The following GPR39 variants were observed in gnomAD, a reference collection of about 807,000 sequenced individuals.
GPR39 encodes zinc sensing receptor.
A neutral mutation model predicts 18.4 loss-of-function variants in GPR39; 23 were observed. The observed-to-expected ratio is 1.25, with a 90% CI of 0.90 to 1.77. The LOEUF is 1.77. Ranked by LOEUF, GPR39 falls within the 40% of genes most tolerant of loss-of-function variation. The pLI is 0.00. For synonymous variants in GPR39, 280 were observed against 257.9 expected, an observed-to-expected ratio of 1.09 and a Z score of -0.82; for missense variants, 647 against 602.4, an observed-to-expected ratio of 1.07 and a Z score of -0.78.
intron 1 of GPR39, among the ~76,000 whole-genome samples, chr2:132,421,233 GA>G (rs1680003353): frequency 6.6e-6 from 1 of 152,076 alleles, no homozygotes; most frequent in African/African-American, 2.4e-5. Context: ...TCTCAATGCA[GA>G]TAGCATCCAG....
chr2:132,604,062 T>C (rs1450104919), intron 1 of GPR39, among the ~76,000 whole-genome samples: 3 of 152,124 alleles, frequency 2.0e-5, no homozygotes, highest in Non-Finnish European at 4.4e-5. Flanking sequence ...ACCTCCAAGA[T>C]CCTTTTCCTT....
intron 1 of GPR39, among the ~76,000 whole-genome samples, chr2:132,569,846 AAGG>A (rs1680412246): frequency 6.6e-6 from 1 of 152,192 alleles, no homozygotes. Flanking sequence ...TGGTTTTAAA[AAGG>A]AGTTTACCTG....
chr2:132,609,238 C>T (rs1445528257), intron 1 of GPR39, among the ~76,000 whole-genome samples: 2 of 152,202 alleles, frequency 1.3e-5, no homozygotes, highest in African/African-American at 4.8e-5. Flanking sequence ...GTTTCTTCTT[C>T]CTCATTGCCA....
chr2:132,450,277 T>C (rs1680609586), intron 1 of GPR39, among the ~76,000 whole-genome samples: 1 of 152,144 alleles, frequency 6.6e-6, no homozygotes. Context: ...CTGATCAGCA[T>C]AGAATTGATG....
At chr2:132,468,826 C>A (rs1225161046) in intron 1 of GPR39, among the ~76,000 whole-genome samples, 1 of 152,116 alleles carries the variant, frequency 6.6e-6, no homozygotes, top group East Asian at 1.9e-4. Flanking sequence ...AAAAAGGGGA[C>A]AGATGAGAGA....
In GPR39 at chr2:132,417,379, T is replaced by C; in HGVS notation, c.337T>C (p.Phe113Leu). ...CACCCTGTCCTGCAAGCTGCACACT[T>C]TCCTCTTCGAGGCCTGCAGCTACGC... is the stretch of plus-strand genomic sequence containing the variant. Reference protein sequence around the residue: ...SYTLSCKLHTFLFEACSYATL... With the variant: ...SYTLSCKLHTLLFEACSYATL... Residue 113 changes from phenylalanine to leucine, a missense_variant, in exon 1 of 2, where the codon TTC becomes CTC. By Grantham distance (22) the Phe-to-Leu change is conservative. This residue lies in a region of GPR39 where 581 missense variants were observed against 506.8 expected (regional missense o/e 1.15). Coordinates refer to ENST00000329321, the MANE Select transcript of GPR39 (RefSeq NM_001508.3). 6.2e-7 allele frequency: 1 copy of C among 1,614,124 alleles called. No individual in the cohort carries two copies. Among genetic ancestry groups the C allele is most frequent in the Non-Finnish European group, 8.5e-7 (1 of 1,180,010 alleles).
At chr2:132,590,818 C>T (rs926441247) in intron 1 of GPR39, among the ~76,000 whole-genome samples, 14 of 143,900 alleles carry the variant, frequency 9.7e-5, no homozygotes, top group Non-Finnish European at 9.1e-5. Flanking sequence ...AAGTATTGTT[C>T]GTGTGTGTGT....
At position 132,645,167 on chromosome 2, in the gene GPR39, C is replaced by A; in HGVS notation, c.923C>A (p.Ala308Asp). ...PNQIRRIMAA[A>D]KPKHDWTRSY... ...CAGATTCGGAGGATCATGGCTGCGG[C>A]CAAACCCAAGCACGACTGGACGAGG... Residue 308 changes from alanine to aspartate, a missense_variant, in exon 2 of 2, where the codon GCC becomes GAC. By Grantham distance (126) the Ala-to-Asp change is moderately radical. This residue lies in a region of GPR39 where 581 missense variants were observed against 506.8 expected (regional missense o/e 1.15). Coordinates refer to ENST00000329321, the MANE Select transcript of GPR39 (RefSeq NM_001508.3). 6.2e-7 allele frequency: 1 copy of A among 1,614,174 alleles called. No homozygotes were observed. Among genetic ancestry groups the A allele is most frequent in the Non-Finnish European group, 8.5e-7 (1 of 1,180,036 alleles).
intron 1 of GPR39, among the ~76,000 whole-genome samples, chr2:132,512,779 C>T (rs1370236612): frequency 6.6e-6 from 1 of 152,204 alleles, no homozygotes; most frequent in Non-Finnish European, 1.5e-5. Flanking sequence ...CTGTCACTCC[C>T]AATACATAGA....
At chr2:132,604,284 A>G (rs888010903) in intron 1 of GPR39, among the ~76,000 whole-genome samples, 17 of 152,216 alleles carry the variant, frequency 1.1e-4, no homozygotes, top group Non-Finnish European at 1.6e-4. Context: ...TCCCCTTGCC[A>G]GAATGATTTA....
intron 1 of GPR39, among the ~76,000 whole-genome samples, chr2:132,510,431 C>T (rs10928422): frequency 0.086 from 13,075 of 152,074 alleles, 782 homozygotes; most frequent in East Asian, 0.2. Flanking sequence ...AGCAGCCTGC[C>T]CTCAGTTTTA....
chr2:132,622,563 A>G (rs1681462310), intron 1 of GPR39, among the ~76,000 whole-genome samples: 1 of 152,212 alleles, frequency 6.6e-6, no homozygotes, highest in Admixed American at 6.5e-5. Context: ...ATTGCAGGTA[A>G]AGCCATAAAT....
intron 1 of GPR39, among the ~76,000 whole-genome samples, chr2:132,436,907 A>G (rs1680332840): frequency 6.6e-6 from 1 of 152,196 alleles, no homozygotes; most frequent in African/African-American, 2.4e-5. Flanking sequence ...TTTACTTGCT[A>G]TGTGCCAGGT....
At chr2:132,594,197 G>A (rs1680896770) in intron 1 of GPR39, among the ~76,000 whole-genome samples, 1 of 152,088 alleles carries the variant, frequency 6.6e-6, no homozygotes, top group African/African-American at 2.4e-5. Context: ...TCATAACCAG[G>A]GGTGGGGAGC....
At position 132,598,976 on chromosome 2, in the gene GPR39, C is replaced by T. The variant is rs189691741; in HGVS notation, c.857-46125C>T. On this transcript the variant is annotated intron_variant, in intron 1 of 1. Coordinates refer to ENST00000329321, the MANE Select transcript of GPR39 (RefSeq NM_001508.3). ...ATGTAGCAGGGAAATAAAACAGCAG[C>T]AACAACAACAAAAACCATCAAGGTT... is the stretch of plus-strand genomic sequence containing the variant. Among the ~76,000 whole-genome samples the T allele has an allele frequency of 3.3e-5, 5 of 152,166 alleles. 1 individual carries two copies. The highest frequency in any genetic ancestry group is 2.0e-4 in the Admixed American group (3 of 15,308).
intron 1 of GPR39, among the ~76,000 whole-genome samples, chr2:132,560,733 A>G (rs1680236259): frequency 6.6e-6 from 1 of 151,928 alleles, no homozygotes; most frequent in African/African-American, 2.4e-5. Flanking sequence ...ACCAGGTAAC[A>G]TTTCCCAGCT....
At chr2:132,590,844 T>TGTGA (rs1279617367) in intron 1 of GPR39, among the ~76,000 whole-genome samples, 1 of 151,450 alleles carries the variant, frequency 6.6e-6, no homozygotes, top group African/African-American at 2.4e-5. Context: ...TGTGTGTGTG[T>TGTGA]GTGTGTGTCT....
chr2:132,429,190 A>G (rs1300647460), intron 1 of GPR39, among the ~76,000 whole-genome samples: 2 of 152,214 alleles, frequency 1.3e-5, no homozygotes, highest in African/African-American at 4.8e-5. Context: ...GAGGTCATCA[A>G]ACATTGAGAT....
chr2:132,512,491 T>C (rs747028999), intron 1 of GPR39, among the ~76,000 whole-genome samples: 7 of 152,194 alleles, frequency 4.6e-5, no homozygotes. Flanking sequence ...TGGTTTGTCC[T>C]TGTGGAACCA....
Sources: gnomAD v4.1 joint callset for allele counts (sites outside exome capture counted in the v4.1 genomes callset) on GRCh38, gnomAD v4.1.1 for gene constraint, gnomAD v4.1.1 regional missense constraint, MANE v1.5 for transcripts, NCBI Gene and HGNC (gene_info 2026-07-23, HGNC 2026-07-21) for gene names.